Variants in CFAP70 observed in about 807,000 individuals in gnomAD.
CFAP70 encodes the protein cilia- and flagella-associated protein 70.
In CFAP70, 81 loss-of-function variants were observed where a neutral mutation model predicts 137.6. That is an observed-to-expected ratio of 0.59 (90% CI 0.49 to 0.71). The LOEUF is 0.71. Ranked by LOEUF, CFAP70 falls within the 30% of genes least tolerant of loss-of-function variation. The probability of loss-of-function intolerance (pLI) is 0.00; values close to 1 mark genes in which losing one functional copy is unlikely to be tolerated. For synonymous variants in CFAP70, 382 were observed against 423.6 expected (o/e 0.90, Z 1.20); for missense variants, 976 against 1,226.7 (o/e 0.80, Z 3.05).
At chr10:73,359,874 G>T (rs1292593607), upstream of CFAP70, among the ~76,000 whole-genome samples, 1 of 151,802 alleles carries the variant, frequency 6.6e-6, no homozygotes, top group Non-Finnish European at 1.5e-5. Context: ...TCTACATTGT[G>T]AGCCTCCTGG....
Position 73,291,566 on chromosome 10 carries a change from TGAA to T in CFAP70, c.2020+71_2020+73del, listed in dbSNP as rs1258708039. ...GTTTAAGAACTACATGATGAGCCATTGAAGAAGAGAAAGGAAAAAGGGAAAATC... is the reference window on the plus strand; with the variant it reads ...GTTTAAGAACTACATGATGAGCCATTGAAGAGAAAGGAAAAAGGGAAAATC... On this transcript the variant is annotated intron_variant, in intron 18 of 26. Coordinates refer to ENST00000310715, the Ensembl canonical transcript of CFAP70. The T allele has an allele frequency of 2.0e-6, 3 of 1,495,006 alleles. No individual in the cohort carries two copies. In the African/African-American group the frequency reaches 4.2e-5, roughly 21 times the overall value. The allele number at this position is 1,495,006 out of a possible 1,614,324, so 92.6% of individuals were successfully genotyped here.
intron 12 of CFAP70, among the ~76,000 whole-genome samples, chr10:73,301,234 A>G (rs1484955364): frequency 1.3e-5 from 2 of 152,136 alleles, no homozygotes; most frequent in African/African-American, 4.8e-5. Flanking sequence ...ATGTTGAATT[A>G]TAATCCCCAG....
At chr10:73,298,637 G>C (rs1250500004) in intron 14 of CFAP70, among the ~76,000 whole-genome samples, 1 of 152,100 alleles carries the variant, frequency 6.6e-6, no homozygotes, top group Admixed American at 6.6e-5. Context: ...CTCCTACAGT[G>C]ACAATGAAAT....
chr10:73,359,078 ACAT>A (rs1197659741), upstream of CFAP70, among the ~76,000 whole-genome samples: 3 of 152,226 alleles, frequency 2.0e-5, no homozygotes, highest in African/African-American at 7.2e-5. Flanking sequence ...TGATTTGAAA[ACAT>A]CATTTAAATA....
At position 73,277,235 on chromosome 10, in the gene CFAP70, C is replaced by T; in HGVS notation, c.2520+5G>A. 6.2e-7 allele frequency: 1 copy of T among 1,610,914 alleles called. No individual in the cohort carries two copies. Among genetic ancestry groups the T allele is most frequent in the Non-Finnish European group, 8.5e-7 (1 of 1,178,658 alleles). On this transcript the variant is annotated splice_donor_5th_base_variant and intron_variant, in intron 21 of 26. Transcript: ENST00000310715. ...ATCTACTTGCCCTTTTCCAAATACT[C>T]TGACCTGCACAGCCTTGACTTTCAT...
intron 25 of CFAP70, among the ~76,000 whole-genome samples, chr10:73,261,130 T>TA (rs1204425285): frequency 6.6e-6 from 1 of 151,808 alleles, no homozygotes; most frequent in Non-Finnish European, 1.5e-5. Context: ...TCTATCTTTT[T>TA]TTTTTTTTTT....
At chr10:73,338,143 ATTTTT>A (rs550084202) in intron 6 of CFAP70, among the ~76,000 whole-genome samples, 2 of 129,692 alleles carry the variant, frequency 1.5e-5, no homozygotes, top group African/African-American at 5.8e-5. Context: ...ATATATGCGG[ATTTTT>A]TTTTTTTTTT....
In CFAP70 at chr10:73,268,949, AT is replaced by A. The variant is rs201421171; in HGVS notation, c.3027+664del. ...TGATCCACCTGCCTCAGCCTCCCAA[AT>A]TGCTGGGGTTACAAACGTGAGCCAC... On this transcript the variant is annotated intron_variant, in intron 25 of 26. Coordinates refer to ENST00000310715, the Ensembl canonical transcript of CFAP70. Among the ~76,000 whole-genome samples, 368 of 152,088 alleles carry A rather than the reference AT, an allele frequency of 2.4e-3. 7 individuals are homozygous for A. In the East Asian group the frequency reaches 0.039, roughly 16 times the overall value.
At chr10:73,310,103 C>T (rs1202507592) in intron 12 of CFAP70, 55 bp downstream of exon 13, 9 of 1,147,712 alleles carry the variant, frequency 7.8e-6, no homozygotes, top group African/African-American at 3.1e-5. Flanking sequence ...AATCTGACTT[C>T]CTCTTATTTA....
rs772214552 is a variant in CFAP70 at position 73,311,820 on chromosome 10, T to C, written c.1164+14A>G. On this transcript the variant is annotated intron_variant, in intron 11 of 26. Coordinates refer to ENST00000310715, the Ensembl canonical transcript of CFAP70. ...TAACTTAAACTTAATTTTCCAAACT[T>C]CATGCACAATTACCTGTCCTTCAGG... 1.2e-6 allele frequency: 2 copies of C among 1,602,776 alleles called. No individual in the cohort carries two copies. Among genetic ancestry groups the C allele is most frequent in the Middle Eastern group, 1.7e-4 (1 of 6,030 alleles).
At chr10:73,323,681 A>G (rs1489298268) in intron 8 of CFAP70, among the ~76,000 whole-genome samples, 1 of 152,198 alleles carries the variant, frequency 6.6e-6, no homozygotes, top group African/African-American at 2.4e-5. Context: ...TATATCCCGC[A>G]CCTGGCTTGG....
intron 7 of CFAP70, among the ~76,000 whole-genome samples, chr10:73,333,869 C>A (rs2052364152): frequency 6.6e-6 from 1 of 152,068 alleles, no homozygotes; most frequent in Admixed American, 6.5e-5. Flanking sequence ...GTTTTTTATT[C>A]TTAATTGATC....
chr10:73,305,148 G>A lies in CFAP70; in HGVS notation c.1256+5010C>T, dbSNP rs187931473. Among the ~76,000 whole-genome samples the A allele has an allele frequency of 1.2e-4, 19 of 152,294 alleles. 1 individual carries two copies. Among genetic ancestry groups the A allele is most frequent in the South Asian group, 1.0e-3 (5 of 4,830 alleles). Reference sequence around the variant, plus strand: ...TACTGTGTTTGTTCTAGCTTGTCTGGGACTGCCTGAGAGACTGGTGCAAGG... The same window carrying A: ...TACTGTGTTTGTTCTAGCTTGTCTGAGACTGCCTGAGAGACTGGTGCAAGG... On this transcript the variant is annotated intron_variant, in intron 12 of 26. Coordinates refer to ENST00000310715, the Ensembl canonical transcript of CFAP70.
At chr10:73,310,282 A>G in intron 11 of CFAP70, 33 bp from the exon 13 acceptor site, 3 of 1,480,378 alleles carry the variant, frequency 2.0e-6, no homozygotes, top group Non-Finnish European at 1.9e-6. Context: ...TTATTTCCAG[A>G]AAAAAATATA....
At chr10:73,342,804 C>T (rs1205303661) in intron 5 of CFAP70, among the ~76,000 whole-genome samples, 2 of 152,140 alleles carry the variant, frequency 1.3e-5, no homozygotes, top group African/African-American at 2.4e-5. Flanking sequence ...AGTCCAGTCA[C>T]GGTGGCTCAC....
chr10:73,301,086 T>C (rs78835060), intron 12 of CFAP70, among the ~76,000 whole-genome samples: 6,429 of 152,150 alleles, frequency 0.042, 417 homozygotes, highest in African/African-American at 0.14. Flanking sequence ...ACAGACTCTA[T>C]TGGGGGTTGA....
At chr10:73,295,361 A>AAGGAAGGGAGGAAGGG (rs929317808) in intron 15 of CFAP70, 1 of 125,742 alleles carries the variant, frequency 8.0e-6, no homozygotes, top group Non-Finnish European at 1.6e-5. Context: ...TGAAGGAAGG[A>AAGGAAGGGAGGAAGGG]AGGAAGGGAG....
chr10:73,333,317 A>C (rs886831332), intron 7 of CFAP70, among the ~76,000 whole-genome samples: 2 of 152,270 alleles, frequency 1.3e-5, no homozygotes, highest in Admixed American at 6.5e-5. Flanking sequence ...TAACAGAAGA[A>C]GAAAGAAAAG....
chr10:73,267,324 T>C (rs149505583), intron 25 of CFAP70, among the ~76,000 whole-genome samples: 36 of 152,330 alleles, frequency 2.4e-4, no homozygotes, highest in African/African-American at 7.7e-4. Flanking sequence ...TTCTCTTCCA[T>C]GTGGACTACT....
Sources: allele counts gnomAD v4.1 joint callset (sites outside exome capture counted in the v4.1 genomes callset), GRCh38; gene constraint gnomAD v4.1.1; transcripts MANE v1.5; gene names NCBI Gene and HGNC (gene_info 2026-07-23, HGNC 2026-07-21).